ARMC8: variants seen among roughly 807,000 people sequenced by gnomAD.
ARMC8 encodes the protein armadillo repeat-containing protein 8.
A neutral mutation model predicts 99.3 loss-of-function variants in ARMC8; 20 were observed. The ratio of observed to expected loss-of-function variants is 0.20; its 90% CI spans 0.14 to 0.29. The LOEUF (loss-of-function observed/expected upper bound fraction) is 0.29. Among genes scored for constraint, ARMC8 ranks in the 10% least tolerant of loss-of-function variants. The pLI, the probability that ARMC8 is intolerant of heterozygous loss-of-function variation, is 1.00. For missense variants in ARMC8, 569 were observed against 809.5 expected (o/e 0.70, Z 3.60); for synonymous variants, 263 against 278.3 (o/e 0.95, Z 0.55).
intron 18 of ARMC8, 108 bp from the exon 19 acceptor site, chr3:138,284,323 C>T: frequency 1.3e-6 from 1 of 761,080 alleles, no homozygotes; most frequent in East Asian, 2.5e-5. Context: ...AGAGTGGAAC[C>T]TGTGAGAATC....
At chr3:138,212,485 A>G (rs1464452729) in intron 2 of ARMC8, among the ~76,000 whole-genome samples, 1 of 151,698 alleles carries the variant, frequency 6.6e-6, no homozygotes, top group East Asian at 1.9e-4. Flanking sequence ...AATTTTGTAT[A>G]TTTAGTAGAG....
At chr3:138,204,940 A>T (rs1236017766) in intron 1 of ARMC8, among the ~76,000 whole-genome samples, 1 of 152,062 alleles carries the variant, frequency 6.6e-6, no homozygotes, top group Non-Finnish European at 1.5e-5. Flanking sequence ...TGGATGTCTA[A>T]TATGATTCTC....
chr3:138,270,201 A>T, intron 16 of ARMC8, 69 bp downstream of exon 16: 1 of 1,195,872 alleles, frequency 8.4e-7, no homozygotes, highest in Non-Finnish European at 1.2e-6. Flanking sequence ...TTAGAACTAT[A>T]ATGTGTTATT....
chr3:138,195,891 C>T (rs1334032795), intron 1 of ARMC8, among the ~76,000 whole-genome samples: 1 of 151,156 alleles, frequency 6.6e-6, no homozygotes, highest in Non-Finnish European at 1.5e-5. Flanking sequence ...TGACCACATT[C>T]CCTAATTTCA....
chr3:138,249,003 A>G (rs2047006460), intron 12 of ARMC8, among the ~76,000 whole-genome samples: 1 of 152,218 alleles, frequency 6.6e-6, no homozygotes, highest in Non-Finnish European at 1.5e-5. Context: ...ACTAGAATGT[A>G]AGCTCCATGA....
Position 138,241,842 on chromosome 3 carries a change from A to G in ARMC8, c.897A>G (p.Glu299=). The G allele has an allele frequency of 6.2e-7, 1 of 1,614,084 alleles. No homozygotes were observed. The part of the protein sequence containing the change: ...SKERLLEERV[E]GAETLAYLIE... ...AGAGATTACTAGAGGAGAGAGTTGA[A>G]GGAGCTGAGACACTTGCCTATCTGA... Residue 299 remains glutamate, a synonymous_variant, in exon 11 of 22, where the codon GAA becomes GAG. Coordinates refer to ENST00000469044, the MANE Select transcript of ARMC8 (RefSeq NM_001363941.2).
At chr3:138,280,248 A>C (rs2049752527) in intron 18 of ARMC8, among the ~76,000 whole-genome samples, 1 of 131,200 alleles carries the variant, frequency 7.6e-6, no homozygotes, top group Non-Finnish European at 1.8e-5. Context: ...GGTTTAGCAA[A>C]GAATCAGTTT....
intron 3 of ARMC8, 76 bp from the exon 4 acceptor site, chr3:138,223,313 G>T: frequency 7.2e-7 from 1 of 1,396,946 alleles, no homozygotes; most frequent in Non-Finnish European, 9.9e-7. Flanking sequence ...TATGTGGACT[G>T]CACAGCCTTT....
intron 21 of ARMC8, among the ~76,000 whole-genome samples, chr3:138,294,471 A>G (rs565499557): frequency 6.6e-6 from 1 of 152,342 alleles, no homozygotes; most frequent in South Asian, 2.1e-4. Context: ...CTTGGAGATA[A>G]TCTTTCTAGA....
At chr3:138,292,927 T>C (rs984476471) in intron 21 of ARMC8, among the ~76,000 whole-genome samples, 8 of 152,082 alleles carry the variant, frequency 5.3e-5, no homozygotes, top group African/African-American at 1.7e-4. Context: ...GCGCATAAGG[T>C]GTCCAGAAAA....
intron 12 of ARMC8, 151 bp from the exon 13 acceptor site, chr3:138,263,588 G>GC (rs1328498475): frequency 1.4e-6 from 1 of 698,242 alleles, no homozygotes; most frequent in Non-Finnish European, 2.5e-6. Context: ...TGAGCTGCCC[G>GC]CCCCCAGCGC....
chr3:138,236,049 G>A (rs922549311), intron 7 of ARMC8, among the ~76,000 whole-genome samples: 6 of 152,094 alleles, frequency 3.9e-5, no homozygotes, highest in African/African-American at 9.6e-5. Flanking sequence ...CTTGTGATCC[G>A]CCTGCCTTGG....
intron 12 of ARMC8, chr3:138,245,459 G>A: frequency 7.4e-7 from 1 of 1,346,404 alleles, no homozygotes; most frequent in Non-Finnish European, 9.5e-7. Context: ...GCACATTTTT[G>A]CATGTGTTCT....
intron 14 of ARMC8, among the ~76,000 whole-genome samples, chr3:138,265,896 A>G (rs1456352630): frequency 1.3e-5 from 2 of 152,216 alleles, no homozygotes; most frequent in Non-Finnish European, 2.9e-5. Flanking sequence ...ATAAAGCAGT[A>G]GGAGTGGCTT....
Position 138,286,686 on chromosome 3 carries a change from T to A in ARMC8, c.1821+2160T>A, listed in dbSNP as rs188509701. ...TAGGGTTATAGCCTGGGCATCAGGA[T>A]TTTTTTTTAAGATCACTGGGTGGTT... is the stretch of plus-strand genomic sequence containing the variant. On this transcript the variant is annotated intron_variant, in intron 19 of 21. Transcript: ENST00000469044. Among the ~76,000 whole-genome samples the A allele has an allele frequency of 3.1e-4, 47 of 151,816 alleles. 1 individual carries two copies. Among genetic ancestry groups the A allele is most frequent in the Non-Finnish European group, 4.7e-4 (32 of 67,886 alleles).
At chr3:138,194,289 C>T (rs867975153) in intron 1 of ARMC8, among the ~76,000 whole-genome samples, 28 of 150,920 alleles carry the variant, frequency 1.9e-4, no homozygotes, top group African/African-American at 4.9e-4. Flanking sequence ...GTGATCCGCC[C>T]GCCGCGGCCT....
chr3:138,208,250 G>A (rs1048078977), intron 1 of ARMC8, among the ~76,000 whole-genome samples: 10 of 152,216 alleles, frequency 6.6e-5, no homozygotes, highest in Admixed American at 1.3e-4. Context: ...GGCGGATCAC[G>A]AGGTCAGGGG....
intron 10 of ARMC8, among the ~76,000 whole-genome samples, chr3:138,240,342 C>G (rs1162055488): frequency 6.6e-6 from 1 of 152,100 alleles, no homozygotes; most frequent in Non-Finnish European, 1.5e-5. Flanking sequence ...CTAATATTTG[C>G]TTTAGTCTTT....
intron 6 of ARMC8, among the ~76,000 whole-genome samples, chr3:138,230,194 G>A (rs2045961108): frequency 6.6e-6 from 1 of 152,170 alleles, no homozygotes; most frequent in African/African-American, 2.4e-5. Context: ...AATCTTTTGA[G>A]GTGGGGAAAG....
Sources: allele counts gnomAD v4.1 joint callset (sites outside exome capture counted in the v4.1 genomes callset), GRCh38; gene constraint gnomAD v4.1.1; transcripts MANE v1.5; gene names NCBI Gene and HGNC (gene_info 2026-07-23, HGNC 2026-07-21).